Variants in KY observed in about 807,000 individuals in gnomAD.
KY encodes the protein kyphoscoliosis peptidase.
In KY, 43 loss-of-function variants were observed where a neutral mutation model predicts 76.1. The observed-to-expected ratio is 0.57, with a 90% CI of 0.44 to 0.73. The LOEUF (loss-of-function observed/expected upper bound fraction) is 0.73. Ranked by LOEUF, KY falls within the 30% of genes least tolerant of loss-of-function variation. The probability of loss-of-function intolerance (pLI) is 0.00; values close to 1 mark genes in which losing one functional copy is unlikely to be tolerated. For synonymous variants in KY, 277 were observed against 326.2 expected (o/e 0.85, Z 1.63); for missense variants, 722 against 828.9 (o/e 0.87, Z 1.58).
At chr3:134,612,461 G>T (rs1006885398) in intron 8 of KY, among the ~76,000 whole-genome samples, 5 of 152,138 alleles carry the variant, frequency 3.3e-5, no homozygotes, top group Non-Finnish European at 2.9e-5. Flanking sequence ...GTGCTGAGGG[G>T]ATGCAAGGCT....
chr3:134,609,164 G>A (rs990097377), intron 9 of KY, among the ~76,000 whole-genome samples: 4 of 152,216 alleles, frequency 2.6e-5, no homozygotes, highest in South Asian at 4.1e-4. Flanking sequence ...TGTGGACCAC[G>A]CAGTGGGGTC....
At chr3:134,627,450 C>A (rs554032914) in intron 5 of KY, among the ~76,000 whole-genome samples, 56 of 152,292 alleles carry the variant, frequency 3.7e-4, no homozygotes, top group African/African-American at 1.3e-3. Flanking sequence ...ATTTGGCATT[C>A]CATTTAAAGT....
chr3:134,642,227 G>A (rs1965848071), intron 3 of KY, among the ~76,000 whole-genome samples: 1 of 152,198 alleles, frequency 6.6e-6, no homozygotes, highest in South Asian at 2.1e-4. Context: ...ATTTCAGAGA[G>A]CAATTCCCTG....
intron 10 of KY, among the ~76,000 whole-genome samples, chr3:134,606,354 C>A (rs1182062376): frequency 1.3e-5 from 2 of 152,166 alleles, no homozygotes; most frequent in Non-Finnish European, 2.9e-5. Flanking sequence ...TCTCTTCCTG[C>A]CTCGCCAGTA....
At chr3:134,628,152 C>A in intron 4 of KY, 1 of 304,232 alleles carries the variant, frequency 3.3e-6, no homozygotes, top group Non-Finnish European at 6.2e-6. Context: ...TTTGGAGTTT[C>A]CTGCTTTCTT....
chr3:134,621,330 C>G (rs1378470166), intron 6 of KY, among the ~76,000 whole-genome samples: 1 of 152,098 alleles, frequency 6.6e-6, no homozygotes, highest in Non-Finnish European at 1.5e-5. Flanking sequence ...TACTGTAGAA[C>G]TACAGTAATC....
Position 134,601,976 on chromosome 3 carries a change from C to G in KY, c.*1603G>C, listed in dbSNP as rs1958988323. Among the ~76,000 whole-genome samples, 1 of 144,150 alleles carries G rather than the reference C, an allele frequency of 6.9e-6. No individual in the cohort carries two copies. The highest frequency in any genetic ancestry group is 2.6e-5 in the African/African-American group (1 of 38,584). 94.6% of individuals were successfully genotyped at this position (144,150 alleles called of 152,430 possible). A position where few individuals can be genotyped will look rare whatever the true frequency, so the allele number is the denominator to read the frequency against. On this transcript the variant is annotated 3_prime_UTR_variant, in exon 11 of 11. Transcript: ENST00000423778. ...TGGTTCACCTCTGTAGCCCAAGCAT[C>G]TGGTACTTCTGTGAGCATTTGTTGG...
intron 1 of KY, among the ~76,000 whole-genome samples, chr3:134,649,051 T>G (rs539442763): frequency 6.6e-6 from 1 of 152,342 alleles, no homozygotes; most frequent in Admixed American, 6.5e-5. Flanking sequence ...TGGGGTCTCC[T>G]GAATATCATC....
intron 8 of KY, among the ~76,000 whole-genome samples, chr3:134,615,770 A>G (rs990143990): frequency 1.3e-5 from 2 of 152,214 alleles, no homozygotes; most frequent in African/African-American, 4.8e-5. Context: ...GAAGGCTTAG[A>G]TGGCCACTGC....
chr3:134,608,626 A>G (rs1190484096), intron 10 of KY, 23 bp downstream of exon 10: 2 of 1,613,974 alleles, frequency 1.2e-6, no homozygotes, highest in Non-Finnish European at 1.7e-6. Context: ...CTGCTAGCAC[A>G]CTGGCACCTG....
intron 8 of KY, among the ~76,000 whole-genome samples, chr3:134,617,053 CCTT>C (rs766012543): frequency 1.3e-5 from 2 of 152,146 alleles, no homozygotes; most frequent in Non-Finnish European, 2.9e-5. Flanking sequence ...CTTTGGCACT[CCTT>C]CTAAAGGATG....
At position 134,615,669 on chromosome 3, in the gene KY, G is replaced by C. The variant is rs183256762; in HGVS notation, c.710+3479C>G. ...CATCCTTTGGTGTAGCTATAAGGGT[G>C]GGGGAGCTAAGATGTCCCTTTCAGA... On this transcript the variant is annotated intron_variant, in intron 8 of 10. Transcript: ENST00000423778. 2.5e-4 allele frequency among the ~76,000 whole-genome samples: 38 copies of C among 150,294 alleles called. 1 individual carries two copies. Among genetic ancestry groups the C allele is most frequent in the African/African-American group, 8.8e-4 (35 of 39,976 alleles).
intron 6 of KY, among the ~76,000 whole-genome samples, chr3:134,624,164 G>A (rs1422409739): frequency 1.3e-5 from 2 of 152,100 alleles, no homozygotes; most frequent in Non-Finnish European, 2.9e-5. Context: ...AGCTATCTGG[G>A]AGCCCCTCTC....
Position 134,625,062 on chromosome 3 carries a change from G to C in KY, c.474C>G (p.Tyr158Ter), listed in dbSNP as rs542592219. The C allele has an allele frequency of 6.3e-7, 1 of 1,597,526 alleles. No individual in the cohort carries two copies. Among genetic ancestry groups the C allele is most frequent in the South Asian group, 1.1e-5 (1 of 87,754 alleles). ...DLQQFEKLDIYASQVTAKSGL... is the reference protein window; with the variant it reads ...DLQQFEKLDI ...CGGCCAGCTGTCCTACCTGTGAGGCGTAGATATCCAATTTCTCAAACTGCT... is the reference window on the plus strand; with the variant it reads ...CGGCCAGCTGTCCTACCTGTGAGGCCTAGATATCCAATTTCTCAAACTGCT... Residue 158 changes from tyrosine to a stop codon, truncating the protein, a stop_gained, in exon 6 of 11, where the codon TAC (tyrosine) becomes TAG (stop). Coordinates refer to ENST00000423778, the MANE Select transcript of KY (RefSeq NM_178554.6). LOFTEE classifies it high-confidence loss of function.
chr3:134,620,301 A>T (rs1389027831), intron 7 of KY, among the ~76,000 whole-genome samples: 1 of 152,192 alleles, frequency 6.6e-6, no homozygotes, highest in Admixed American at 6.5e-5. Context: ...GGGAGCAGGA[A>T]GTGGAGAACC....
At chr3:134,608,102 G>C (rs1959564299) in intron 10 of KY, 7 of 1,127,414 alleles carry the variant, frequency 6.2e-6, no homozygotes, top group Non-Finnish European at 7.7e-6. Context: ...GGAGACCCAT[G>C]TTGCTCCCCA....
At chr3:134,636,347 G>T (rs58491661) in intron 3 of KY, among the ~76,000 whole-genome samples, 49,735 of 152,040 alleles carry the variant, frequency 0.33, 8,440 homozygotes, top group African/African-American at 0.36. Flanking sequence ...GAGGTCTTTT[G>T]TTCCACCCCT....
chr3:134,620,748 C>T lies in KY; in HGVS notation c.592+1G>A, dbSNP rs1319690351. On this transcript the variant is annotated splice_donor_variant, in intron 7 of 10. Transcript: ENST00000423778. LOFTEE classifies it high-confidence loss of function. ...GCCAGAAATTCCACAGGGGGGCCTA[C>T]CTATGTGATGGCAGATCCAGATCCA... 2 of 1,611,422 alleles carry T rather than the reference C, an allele frequency of 1.2e-6. No individual in the cohort carries two copies. The highest frequency in any genetic ancestry group is 1.1e-5 in the South Asian group (1 of 90,776).
chr3:134,609,211 G>T (rs1419053067), intron 9 of KY, among the ~76,000 whole-genome samples: 1 of 152,190 alleles, frequency 6.6e-6, no homozygotes, highest in Non-Finnish European at 1.5e-5. Context: ...TGAATTCACT[G>T]CCTCCATCTA....
Sources: allele counts gnomAD v4.1 joint callset (sites outside exome capture counted in the v4.1 genomes callset), GRCh38; gene constraint gnomAD v4.1.1; transcripts MANE v1.5; gene names NCBI Gene and HGNC (gene_info 2026-07-23, HGNC 2026-07-21).